The following ADGRD1 variants were observed in gnomAD, a reference collection of about 807,000 sequenced individuals.
The protein encoded by ADGRD1 is adhesion G protein-coupled receptor D1.
In ADGRD1, 77 loss-of-function variants were observed where a neutral mutation model predicts 113.4. The observed-to-expected ratio is 0.68, with a 90% CI of 0.57 to 0.82. ADGRD1 has a LOEUF of 0.82. ADGRD1 is among the 40% of genes least tolerant of loss of function. The pLI is 0.00. For missense variants in ADGRD1, 1,036 were observed against 1,139.1 expected (o/e 0.91, Z 1.30); for synonymous variants, 474 against 475.0 (o/e 1.00, Z 0.03).
chr12:131,088,243 A>G (rs2137234306), intron 15 of ADGRD1, among the ~76,000 whole-genome samples: 1 of 152,322 alleles, frequency 6.6e-6, no homozygotes, highest in East Asian at 1.9e-4. Context: ...CCCGTCGTTC[A>G]ACAGCGTGTT....
intron 13 of ADGRD1, among the ~76,000 whole-genome samples, chr12:131,021,598 G>A (rs1879327635): frequency 6.6e-6 from 1 of 152,168 alleles, no homozygotes; most frequent in Admixed American, 6.6e-5. Context: ...CCAAGATCAA[G>A]GTGTCGGTAG....
intron 5 of ADGRD1, among the ~76,000 whole-genome samples, chr12:130,983,351 G>T (rs928814508): frequency 6.6e-6 from 1 of 152,128 alleles, no homozygotes; most frequent in Non-Finnish European, 1.5e-5. Context: ...CTTCAAATTT[G>T]CCCTCTGTGA....
At position 131,084,646 on chromosome 12, in the gene ADGRD1, C is replaced by T. The variant is rs976733950; in HGVS notation, c.1654C>T (p.Gln552Ter). 1 of 1,614,166 alleles carries T rather than the reference C, an allele frequency of 6.2e-7. No homozygotes were observed. The change falls in exon 15 of 25, where the codon CAG becomes TAG. Residue 552 changes from glutamine (Q) to a stop codon, truncating the protein, a stop_gained. Transcript: ENST00000261654. LOFTEE classifies it high-confidence loss of function. This position sits in a 1 kb window ranked among gnomAD's most constrained non-coding sequence, Gnocchi z 4.5. ...THLTNFAILM[Q>*]VVPLELARGH... ...CCTCACCAACTTTGCCATCCTCATGCAGGTGGTCCCGCTGGAGGTAAGAGC... is the reference window on the plus strand; with the variant it reads ...CCTCACCAACTTTGCCATCCTCATGTAGGTGGTCCCGCTGGAGGTAAGAGC...
In ADGRD1 at chr12:131,004,407, C is replaced by G. The variant is rs868113256; in HGVS notation, c.1255+111C>G. 2.5e-4 allele frequency: 210 copies of G among 828,540 alleles called. 1 individual carries two copies. The African/African-American group carries it at 3.0e-3, about 12-fold the overall frequency. 51.3% of individuals were successfully genotyped at this position (828,540 alleles called of 1,614,324 possible). On this transcript the variant is annotated intron_variant, in intron 11 of 24. Transcript: ENST00000261654. The stretch of plus-strand genomic sequence containing the variant: ...GCGCCAGGGAGCTGCGGTGCTCCCC[C>G]GGGCCGCCTGCGGTGCTCCCCCGGA...
At chr12:131,006,167 C>A (rs11832357) in intron 12 of ADGRD1, 120 bp downstream of exon 12, 1 of 862,158 alleles carries the variant, frequency 1.2e-6, no homozygotes, top group East Asian at 2.6e-5. Context: ...GAGTACCGGG[C>A]GCTTCACTGC....
chr12:130,960,184 G>A lies in ADGRD1; in HGVS notation c.103+5524G>A, dbSNP rs11061264. On this transcript the variant is annotated intron_variant, in intron 2 of 24. Transcript: ENST00000261654. The stretch of plus-strand genomic sequence containing the variant: ...CATGACATTTGTAATGAGGAAAAGA[G>A]AACTTAAAACAAACCCAAAGCATGT... 6.9e-3 allele frequency among the ~76,000 whole-genome samples: 1,050 copies of A among 152,286 alleles called. 33 individuals are homozygous for A. Among genetic ancestry groups the A allele is most frequent in the East Asian group, 0.052 (269 of 5,182 alleles).
chr12:131,132,244 C>G (rs1173848986), intron 21 of ADGRD1, among the ~76,000 whole-genome samples: 1 of 152,214 alleles, frequency 6.6e-6, no homozygotes, highest in African/African-American at 2.4e-5. Context: ...CAGGTTCCCC[C>G]TCAGCTGGCA....
At chr12:131,079,761 C>T (rs995450922) in intron 14 of ADGRD1, among the ~76,000 whole-genome samples, 3 of 152,260 alleles carry the variant, frequency 2.0e-5, no homozygotes. Context: ...TTTATAGGCA[C>T]AGAGTTTTTT....
intron 13 of ADGRD1, among the ~76,000 whole-genome samples, chr12:131,032,303 T>C (rs746437649): frequency 6.6e-6 from 1 of 152,162 alleles, no homozygotes; most frequent in Non-Finnish European, 1.5e-5. Context: ...GTCCACAGCT[T>C]ATTGTGCCAC....
chr12:131,047,311 A>C (rs774807335), intron 13 of ADGRD1, among the ~76,000 whole-genome samples: 8 of 152,172 alleles, frequency 5.3e-5, no homozygotes, highest in Non-Finnish European at 1.0e-4. Flanking sequence ...CAGGTGATCC[A>C]CGGCGAGGAG....
intron 13 of ADGRD1, chr12:131,025,997 G>A (rs775568021): frequency 4.6e-5 from 7 of 152,222 alleles, no homozygotes; most frequent in Non-Finnish European, 8.8e-5. Flanking sequence ...GGAAGCCCAC[G>A]GAGGTCCTGG....
In ADGRD1 at chr12:131,106,014, G is replaced by A. The variant is rs532652281; in HGVS notation, c.1887+149G>A. ...GGCTGTGGTTTTCTCGGGGGAAGCA[G>A]AGATCGTGACGTGCATGAGCTGGTT... On this transcript the variant is annotated intron_variant, in intron 17 of 24. Coordinates refer to ENST00000261654, the MANE Select transcript of ADGRD1 (RefSeq NM_198827.5). The A allele has an allele frequency of 9.3e-5, 61 of 656,794 alleles. No individual in the cohort carries two copies. In the African/African-American group the frequency reaches 1.1e-3, roughly 11 times the overall value. The allele number at this position is 656,794 out of a possible 1,614,324, so 40.7% of individuals were successfully genotyped here.
At chr12:131,125,814 A>G (rs1272804770) in intron 20 of ADGRD1, among the ~76,000 whole-genome samples, 1 of 152,226 alleles carries the variant, frequency 6.6e-6, no homozygotes, top group Non-Finnish European at 1.5e-5. Context: ...ACATTCTCAG[A>G]ACTCTTACAT....
intron 21 of ADGRD1, among the ~76,000 whole-genome samples, chr12:131,132,759 T>G (rs150242585): frequency 4.3e-4 from 66 of 152,248 alleles, no homozygotes; most frequent in African/African-American, 1.5e-3. Context: ...GTGTGACTGT[T>G]CAGTTAGCAC....
chr12:130,957,773 GGT>G (rs1263291297), intron 2 of ADGRD1: 2 of 152,228 alleles, frequency 1.3e-5, no homozygotes, highest in African/African-American at 4.8e-5. Context: ...GGGACGGAAG[GGT>G]GTGGTGACCC....
chr12:131,056,381 A>G (rs1182592694), intron 13 of ADGRD1, among the ~76,000 whole-genome samples: 1 of 152,204 alleles, frequency 6.6e-6, no homozygotes, highest in Non-Finnish European at 1.5e-5. Flanking sequence ...ATCTTTATAA[A>G]GAATGTTCTC....
intron 12 of ADGRD1, among the ~76,000 whole-genome samples, chr12:131,009,896 G>A (rs185473262): frequency 2.9e-3 from 440 of 152,348 alleles, no homozygotes; most frequent in African/African-American, 9.9e-3. Flanking sequence ...GAGTGTAGGT[G>A]AAGCCTATGC....
chr12:131,037,862 T>C (rs1001928482), intron 13 of ADGRD1, among the ~76,000 whole-genome samples: 5 of 149,726 alleles, frequency 3.3e-5, no homozygotes, highest in African/African-American at 1.2e-4. Context: ...TCTCACTCAC[T>C]GCACCAGGAT....
intron 5 of ADGRD1, among the ~76,000 whole-genome samples, chr12:130,986,203 T>C (rs1018305315): frequency 6.6e-6 from 1 of 152,236 alleles, no homozygotes; most frequent in African/African-American, 2.4e-5. Context: ...ATGAGATTTT[T>C]ATTGGGATTG....
Sources: gnomAD v4.1 joint callset for allele counts (sites outside exome capture counted in the v4.1 genomes callset) on GRCh38, gnomAD v4.1.1 for gene constraint, Gnocchi (gnomAD v3.1) non-coding constraint, MANE v1.5 for transcripts, NCBI Gene and HGNC (gene_info 2026-07-23, HGNC 2026-07-21) for gene names.